The following RARB variants were observed in gnomAD, a reference collection of about 807,000 sequenced individuals.
The protein encoded by RARB is HBV-activated protein.
In RARB, 17 loss-of-function variants were observed where a neutral mutation model predicts 51.9. The observed-to-expected ratio is 0.33, with a 90% CI of 0.22 to 0.49. The LOEUF is 0.49. Ranked by LOEUF, RARB falls within the 20% of genes least tolerant of loss-of-function variation. The probability of loss-of-function intolerance (pLI) is 0.99; values close to 1 mark genes in which losing one functional copy is unlikely to be tolerated. For missense variants in RARB, 369 were observed against 550.8 expected (o/e 0.67, Z 3.30); for synonymous variants, 215 against 195.4 (o/e 1.10, Z -0.84).
chr3:25,310,285 C>G (rs1018325956), intron 5 of RARB, among the ~76,000 whole-genome samples: 7 of 152,150 alleles, frequency 4.6e-5, no homozygotes, highest in African/African-American at 1.7e-4. Flanking sequence ...GAGAAATAGT[C>G]CTGAATTTTT....
intron 2 of RARB, among the ~76,000 whole-genome samples, chr3:24,863,670 A>G (rs995607680): frequency 7.9e-5 from 12 of 151,790 alleles, no homozygotes; most frequent in Non-Finnish European, 1.6e-4. Flanking sequence ...TTCACTGACT[A>G]GGGGAGGCGG....
rs33947703 is a variant in RARB, at chr3:25,286,083, C to CT, written c.178+111535dup. 4.2e-3 allele frequency among the ~76,000 whole-genome samples: 324 copies of CT among 76,500 alleles called. 17 individuals carry two copies. The highest frequency in any genetic ancestry group is 5.8e-3 in the Non-Finnish European group (255 of 44,294). The allele number at this position is 76,500 out of a possible 152,430, so 50.2% of individuals were successfully genotyped here. A position where few individuals can be genotyped will look rare whatever the true frequency, so the allele number is the denominator to read the frequency against. ...ATTAATTGCTAGTCTTGATCTTTCT[C>CT]TTTTTTTTTTTTTTTTTTTTTTTTT... On this transcript the variant is annotated intron_variant, in intron 5 of 11. Coordinates refer to the RARB transcript ENST00000383772.
chr3:24,924,890 T>C (rs1695285283), intron 2 of RARB, among the ~76,000 whole-genome samples: 1 of 152,116 alleles, frequency 6.6e-6, no homozygotes, highest in African/African-American at 2.4e-5. Flanking sequence ...AAGGAATTAA[T>C]AGATTTGAAT....
chr3:25,168,499 TACAG>T (rs1248530756), intron 4 of RARB, among the ~76,000 whole-genome samples: 1 of 152,184 alleles, frequency 6.6e-6, no homozygotes, highest in Non-Finnish European at 1.5e-5. Flanking sequence ...GTGCTGGGTT[TACAG>T]GCATAAGAAA....
At chr3:25,007,419 A>G (rs1697295038) in intron 2 of RARB, among the ~76,000 whole-genome samples, 1 of 151,888 alleles carries the variant, frequency 6.6e-6, no homozygotes, top group South Asian at 2.1e-4. Flanking sequence ...TGAGGTCAGG[A>G]GTTTGAGATT....
intron 3 of RARB, among the ~76,000 whole-genome samples, chr3:25,511,652 G>A (rs1424139568): frequency 6.6e-6 from 1 of 152,088 alleles, no homozygotes; most frequent in Admixed American, 6.6e-5. Flanking sequence ...ATATGTTCTT[G>A]TATCTTAGGA....
At chr3:25,095,726 A>G (rs902919062) in intron 3 of RARB, among the ~76,000 whole-genome samples, 1 of 152,148 alleles carries the variant, frequency 6.6e-6, no homozygotes, top group Non-Finnish European at 1.5e-5. Flanking sequence ...CCAGAGTATT[A>G]CACCATCAAA....
chr3:24,983,429 C>A (rs191793829), intron 2 of RARB, among the ~76,000 whole-genome samples: 164 of 152,120 alleles, frequency 1.1e-3, no homozygotes, highest in African/African-American at 3.5e-3. Flanking sequence ...TGGTTTGTTA[C>A]ATAGGTATAC....
intron 3 of RARB, among the ~76,000 whole-genome samples, chr3:25,066,091 C>G (rs1167098414): frequency 1.3e-5 from 2 of 152,048 alleles, no homozygotes; most frequent in South Asian, 2.1e-4. Flanking sequence ...CCAAGATTCC[C>G]TTATTACTGT....
chr3:24,844,280 A>C (rs1490110870), intron 1 of RARB, among the ~76,000 whole-genome samples: 1 of 152,210 alleles, frequency 6.6e-6, no homozygotes, highest in Non-Finnish European at 1.5e-5. Context: ...GCCTGGGAGC[A>C]CTTTTTTTTC....
intron 4 of RARB, among the ~76,000 whole-genome samples, chr3:25,572,249 T>C (rs1468187374): frequency 6.6e-6 from 1 of 152,192 alleles, no homozygotes; most frequent in East Asian, 1.9e-4. Context: ...GAGGAGTCTG[T>C]AAATAATGAA....
chr3:24,909,260 CA>C (rs1298800933), intron 2 of RARB, among the ~76,000 whole-genome samples: 1 of 152,174 alleles, frequency 6.6e-6, no homozygotes, highest in African/African-American at 2.4e-5. Flanking sequence ...GGCACTTATC[CA>C]TTCATTCATT....
At chr3:24,949,967 CAG>C (rs1355862094) in intron 2 of RARB, among the ~76,000 whole-genome samples, 2 of 152,190 alleles carry the variant, frequency 1.3e-5, no homozygotes. Flanking sequence ...CACCCAATAA[CAG>C]AGGGAAGAGC....
chr3:25,444,403 T>C lies in RARB; in HGVS notation c.157+15515T>C, dbSNP rs569284955. On this transcript the variant is annotated intron_variant, in intron 1 of 7. Coordinates refer to ENST00000330688, the MANE Select transcript of RARB (RefSeq NM_000965.5). ...AGGGTTAACAAGTGAAAGCTGGAAA[T>C]AATACGTTTTTAACAAAATGGGCAG... Among the ~76,000 whole-genome samples, 6 of 152,216 alleles carry C rather than the reference T, an allele frequency of 3.9e-5. 1 individual carries two copies. Among genetic ancestry groups the C allele is most frequent in the Admixed American group, 3.9e-4 (6 of 15,282 alleles).
chr3:25,389,109 A>G (rs577022963), intron 5 of RARB, among the ~76,000 whole-genome samples: 1 of 152,298 alleles, frequency 6.6e-6, no homozygotes, highest in African/African-American at 2.4e-5. Context: ...GCTAAAGGAT[A>G]TATTTCCACA....
intron 2 of RARB, among the ~76,000 whole-genome samples, chr3:24,862,358 G>A (rs1331509053): frequency 6.6e-6 from 1 of 152,196 alleles, no homozygotes; most frequent in South Asian, 2.1e-4. Flanking sequence ...CCAAAGAGGT[G>A]GGTGAAGTTT....
chr3:24,849,344 T>C (rs1702525629), intron 1 of RARB, among the ~76,000 whole-genome samples: 1 of 152,214 alleles, frequency 6.6e-6, no homozygotes, highest in African/African-American at 2.4e-5. Flanking sequence ...GCCGCGTGTG[T>C]TCATGGACAA....
intron 2 of RARB, among the ~76,000 whole-genome samples, chr3:24,975,954 A>G (rs2125421371): frequency 6.6e-6 from 1 of 152,044 alleles, no homozygotes. Flanking sequence ...AGTGTGGGGT[A>G]TTCCCCTCCC....
intron 2 of RARB, among the ~76,000 whole-genome samples, chr3:24,944,979 G>C (rs1695743531): frequency 6.6e-6 from 1 of 152,182 alleles, no homozygotes; most frequent in South Asian, 2.1e-4. Context: ...ACAAAGCAAT[G>C]ATGAAGTGAA....
Sources: gnomAD v4.1 joint callset for allele counts (sites outside exome capture counted in the v4.1 genomes callset) on GRCh38, gnomAD v4.1.1 for gene constraint, MANE v1.5 for transcripts, NCBI Gene and HGNC (gene_info 2026-07-23, HGNC 2026-07-21) for gene names.